The following ZNF626 variants were observed in gnomAD, a reference collection of about 807,000 sequenced individuals.
ZNF626 encodes CTC-513N18.7.
Under a neutral mutation model 11.7 loss-of-function variants are expected in ZNF626, and 4 were observed. The observed-to-expected ratio is 0.34, with a 90% CI of 0.17 to 0.78. ZNF626 has a LOEUF of 0.78. Among genes scored for constraint, ZNF626 ranks in the 30% least tolerant of loss-of-function variants. ZNF626 has a pLI of 0.57. For missense variants in ZNF626, 588 were observed against 587.1 expected, an observed-to-expected ratio of 1.00 and a Z score of -0.01; for synonymous variants, 179 against 198.6, an observed-to-expected ratio of 0.90 and a Z score of 0.83.
intron 3 of ZNF626, among the ~76,000 whole-genome samples, chr19:20,629,344 T>C (rs1555770128): frequency 6.6e-6 from 1 of 152,214 alleles, no homozygotes; most frequent in East Asian, 1.9e-4. Context: ...TTGATGGGGA[T>C]GGCATTGAAT....
chr19:20,646,839 G>GATTTATTTATTTATTT (rs567986347), intron 1 of ZNF626, among the ~76,000 whole-genome samples: 44 of 151,844 alleles, frequency 2.9e-4, no homozygotes, highest in African/African-American at 9.7e-4. Context: ...AATAAAGTCT[G>GATTTATTTATTTATTT]ATTTATTTAT....
Position 20,624,617 on chromosome 19 carries a change from A to G in ZNF626, c.1260T>C (p.Thr420=), listed in dbSNP as rs915517372. 1 of 1,587,396 alleles carries G rather than the reference A, an allele frequency of 6.3e-7. No homozygotes were observed. The highest frequency in any genetic ancestry group is 2.3e-5 in the East Asian group (1 of 44,182). The change falls in exon 4 of 4, where the codon ACT becomes ACC. Residue 420 remains threonine (T), a synonymous_variant. Coordinates refer to ENST00000601440, the MANE Select transcript of ZNF626 (RefSeq NM_001076675.3). The part of the protein sequence containing the change: ...SNLTTHKKIH[T]GERPYKCEEC... ...CTTCACATTTGTAGGGTCTCTCTCC[A>G]GTATGAATTTTCTTATGTGTAGTAA... is the stretch of plus-strand genomic sequence containing the variant.
chr19:20,636,559 T>TA (rs1264087019), intron 3 of ZNF626, among the ~76,000 whole-genome samples: 309 of 143,138 alleles, frequency 2.2e-3, no homozygotes, highest in Middle Eastern at 3.6e-3. Context: ...CTTGAAGATT[T>TA]AAAAAAAAAA....
intron 3 of ZNF626, among the ~76,000 whole-genome samples, chr19:20,626,652 G>A (rs1969837229): frequency 6.6e-6 from 1 of 152,114 alleles, no homozygotes. Context: ...GAACCTGGGA[G>A]GGGACAGTTG....
Position 20,625,141 on chromosome 19 carries a change from T to C in ZNF626, c.736A>G (p.Thr246Ala), listed in dbSNP as rs782312844. The change falls in exon 4 of 4, where the codon ACA (threonine) becomes GCA (alanine). Residue 246 changes from threonine (T) to alanine (A), a missense_variant. Thr to Ala is a moderately conservative substitution (Grantham distance 58). Coordinates refer to ENST00000601440, the MANE Select transcript of ZNF626 (RefSeq NM_001076675.3). ...KAFKHSSTLTTHKRNHTGEKP... is the reference protein window; with the variant it reads ...KAFKHSSTLTAHKRNHTGEKP... ...TCTCCAGTATGATTTCTCTTATGTG[T>C]AGTAAGAGTGGAGGAGTGCTTAAAG... 2.5e-6 allele frequency: 4 copies of C among 1,613,212 alleles called. No individual in the cohort carries two copies. In the East Asian group the frequency reaches 6.7e-5, roughly 27 times the overall value.
At chr19:20,661,315 T>C in intron 1 of ZNF626, 129 bp downstream of exon 1, 1 of 1,282,530 alleles carries the variant, frequency 7.8e-7, no homozygotes, top group South Asian at 1.2e-5. Flanking sequence ...GAGGCCGAGC[T>C]GAGCAAGGAG....
intron 1 of ZNF626, among the ~76,000 whole-genome samples, chr19:20,660,598 T>G (rs1555773583): frequency 6.6e-6 from 1 of 152,136 alleles, no homozygotes; most frequent in African/African-American, 2.4e-5. Context: ...ATAGTTTTCG[T>G]ATTTTTAGTA....
chr19:20,638,676 ATAT>A (rs1326829644), intron 3 of ZNF626, among the ~76,000 whole-genome samples: 1 of 151,994 alleles, frequency 6.6e-6, no homozygotes, highest in Admixed American at 6.6e-5. Flanking sequence ...ACAAAGACTG[ATAT>A]TATATTATGA....
intron 3 of ZNF626, among the ~76,000 whole-genome samples, chr19:20,640,140 A>G (rs36033624): frequency 0.19 from 29,422 of 151,428 alleles, 3,536 homozygotes; most frequent in East Asian, 0.47. Flanking sequence ...ATAAAGTTGG[A>G]TTATTTCCTT....
Position 20,624,646 on chromosome 19 carries a change from T to C in ZNF626, c.1231A>G (p.Asn411Asp). 3 of 1,592,470 alleles carry C rather than the reference T, an allele frequency of 1.9e-6. No homozygotes were observed. Among genetic ancestry groups the C allele is most frequent in the South Asian group, 1.1e-5 (1 of 89,434 alleles). ...ECGKAFKYSS[N>D]LTTHKKIHTG... The stretch of plus-strand genomic sequence containing the variant: ...TGAATTTTCTTATGTGTAGTAAGGT[T>C]AGAGGAGTACTTAAAAGCTTTGCCA... Residue 411 changes from asparagine (N) to aspartate (D), a missense_variant, in exon 4 of 4, where the codon AAC (asparagine) becomes GAC (aspartate). Transcript: ENST00000601440.
chr19:20,659,001 G>A (rs1555773417), intron 1 of ZNF626, among the ~76,000 whole-genome samples: 1 of 152,156 alleles, frequency 6.6e-6, no homozygotes, highest in East Asian at 1.9e-4. Flanking sequence ...TGGAAGAAAT[G>A]CATAGAACAA....
At chr19:20,660,243 TAAAAAA>T (rs35231346) in intron 1 of ZNF626, among the ~76,000 whole-genome samples, 4 of 104,866 alleles carry the variant, frequency 3.8e-5, no homozygotes, top group Admixed American at 1.1e-4. Flanking sequence ...ACACTGTGTC[TAAAAAA>T]AAAAAAAAAA....
chr19:20,658,863 G>A lies in ZNF626; in HGVS notation c.3+2581C>T, dbSNP rs182072864. On this transcript the variant is annotated intron_variant, in intron 1 of 3. Coordinates refer to ENST00000601440, the MANE Select transcript of ZNF626 (RefSeq NM_001076675.3). ...CATCTATGCTTCTGAGCTACTGTTT[G>A]AAAACTGAGGACTCCCAAAACCTCC... Among the ~76,000 whole-genome samples the A allele has an allele frequency of 2.0e-4, 30 of 152,226 alleles. No homozygotes were observed. The East Asian group carries it at 5.6e-3, about 28-fold the overall frequency.
At chr19:20,658,096 A>G (rs1198402361) in intron 1 of ZNF626, among the ~76,000 whole-genome samples, 1 of 151,932 alleles carries the variant, frequency 6.6e-6, no homozygotes, top group Non-Finnish European at 1.5e-5. Context: ...CCAACCAAAA[A>G]TCAAAGCTAA....
At position 20,624,800 on chromosome 19, in the gene ZNF626, A is replaced by G. The variant is rs1240635927; in HGVS notation, c.1077T>C (p.His359=). 5 of 1,613,330 alleles carry G rather than the reference A, an allele frequency of 3.1e-6. No homozygotes were observed. Among genetic ancestry groups the G allele is most frequent in the Non-Finnish European group, 4.2e-6 (5 of 1,179,928 alleles). ...GTTTCTCTCCAGTATGAATTCTCTT[A>G]TGTGTAGTAAGGGTAGAGGAGTACT... ...AFKYSSTLTT[H]KRIHTGEKPY... is the part of the protein sequence containing the mutation. The change falls in exon 4 of 4, where the codon CAT becomes CAC. Residue 359 remains histidine, a synonymous_variant. Transcript: ENST00000601440.
chr19:20,648,800 A>G (rs1555772220), intron 1 of ZNF626, among the ~76,000 whole-genome samples: 1 of 152,222 alleles, frequency 6.6e-6, no homozygotes, highest in African/African-American at 2.4e-5. Context: ...GAGTATCCAC[A>G]TCTTTCCATG....
chr19:20,661,109 G>T (rs1439202248), intron 1 of ZNF626, among the ~76,000 whole-genome samples: 1 of 152,234 alleles, frequency 6.6e-6, no homozygotes, highest in Non-Finnish European at 1.5e-5. Flanking sequence ...TCCCATTCAT[G>T]AACCCGCACC....
chr19:20,657,544 C>T (rs1291503838), intron 1 of ZNF626, among the ~76,000 whole-genome samples: 16 of 151,460 alleles, frequency 1.1e-4, no homozygotes, highest in South Asian at 2.1e-4. Flanking sequence ...TGGTGGCTCA[C>T]GCCTGTAATC....
Position 20,622,604 on chromosome 19 carries a change from A to G in ZNF626, c.*1686T>C, listed in dbSNP as rs1293738800. 1 of 152,198 alleles carries G rather than the reference A, an allele frequency of 6.6e-6. No individual in the cohort carries two copies. The highest frequency in any genetic ancestry group is 1.9e-4 in the East Asian group (1 of 5,202). The allele number at this position is 152,198 out of a possible 1,614,324, so 9.4% of individuals were successfully genotyped here. On this transcript the variant is annotated 3_prime_UTR_variant, in exon 4 of 4. Coordinates refer to ENST00000601440, the MANE Select transcript of ZNF626 (RefSeq NM_001076675.3). ...TATTACATCATTCACTTTTCAAAAA[A>G]ATTGTTTTCAAGGAAACAAATATAC...
Sources: allele counts gnomAD v4.1 joint callset (sites outside exome capture counted in the v4.1 genomes callset), GRCh38; gene constraint gnomAD v4.1.1; transcripts MANE v1.5; gene names NCBI Gene and HGNC (gene_info 2026-07-23, HGNC 2026-07-21).